Variants in PHC3 observed in about 807,000 individuals in gnomAD.
PHC3 encodes polyhomeotic-like protein 3.
Under a neutral mutation model 107.4 loss-of-function variants are expected in PHC3, and 13 were observed. The observed-to-expected ratio is 0.12, with a 90% CI of 0.08 to 0.19. The LOEUF (loss-of-function observed/expected upper bound fraction) is 0.19, where lower values mean the gene tolerates loss of function less well. Ranked by LOEUF, PHC3 falls within the 10% of genes least tolerant of loss-of-function variation. The pLI, the probability that PHC3 is intolerant of heterozygous loss-of-function variation, is 1.00. For synonymous variants in PHC3, 456 were observed against 427.4 expected (o/e 1.07, Z -0.83); for missense variants, 992 against 1,210.9 (o/e 0.82, Z 2.68).
At chr3:170,131,068 T>A (rs539641205) in intron 7 of PHC3, among the ~76,000 whole-genome samples, 2 of 149,360 alleles carry the variant, frequency 1.3e-5, no homozygotes, top group East Asian at 1.9e-4. Context: ...ATTTTTGGAA[T>A]CCTTTAAAGA....
In PHC3 at chr3:170,095,603, G is replaced by C. The variant is rs769869713; in HGVS notation, c.*1627C>G. On this transcript the variant is annotated 3_prime_UTR_variant, in exon 15 of 15. Transcript: ENST00000495893. ...AGCAGTGAAAATGACTGAAACTCAC[G>C]GACTCTTTTTTTCCCCTCCTTACTC... 6 of 151,954 alleles carry C rather than the reference G, an allele frequency of 3.9e-5. No homozygotes were observed. Among genetic ancestry groups the C allele is most frequent in the African/African-American group, 1.4e-4 (6 of 41,400 alleles). 9.4% of individuals were successfully genotyped at this position (151,954 alleles called of 1,614,324 possible). A position where few individuals can be genotyped will look rare whatever the true frequency, so the allele number is the denominator to read the frequency against.
chr3:170,113,413 G>A lies in PHC3; in HGVS notation c.2300C>T (p.Thr767Ile). The A allele has an allele frequency of 6.2e-7, 1 of 1,612,328 alleles. No individual in the cohort carries two copies. Among genetic ancestry groups the A allele is most frequent in the Non-Finnish European group, 8.5e-7 (1 of 1,179,270 alleles). Reference sequence around the variant, plus strand: ...GTCAGATGAATTATCCGCATGTTTTGTATTATTCTGTAGCTCTGGCTGAAC... The same window carrying A: ...GTCAGATGAATTATCCGCATGTTTTATATTATTCTGTAGCTCTGGCTGAAC... ...VCVQPELQNN[T>I]KHADNSSDTE... is the part of the protein sequence containing the mutation. The change falls in exon 11 of 15, where the codon ACA (threonine) becomes ATA (isoleucine). Residue 767 changes from threonine to isoleucine, a missense_variant. Coordinates refer to ENST00000495893, the MANE Select transcript of PHC3 (RefSeq NM_024947.4).
chr3:170,124,780 T>C (rs1720994245), intron 8 of PHC3, among the ~76,000 whole-genome samples: 1 of 152,194 alleles, frequency 6.6e-6, no homozygotes, highest in Admixed American at 6.5e-5. Flanking sequence ...TTAAAGTATA[T>C]AAAATTATAC....
chr3:170,138,689 CAA>C (rs11284597), intron 6 of PHC3, among the ~76,000 whole-genome samples: 2,401 of 81,288 alleles, frequency 0.03, 48 homozygotes, highest in African/African-American at 0.095. Flanking sequence ...GACTCTGTCT[CAA>C]AAAAAAAAAA....
chr3:170,139,578 T>A (rs558447927), intron 6 of PHC3, among the ~76,000 whole-genome samples: 77 of 152,308 alleles, frequency 5.1e-4, no homozygotes, highest in Admixed American at 1.6e-3. Context: ...AATACTCCTT[T>A]TGTTTTTAAT....
At chr3:170,170,679 A>C (rs1318411955) in intron 4 of PHC3, 1 of 152,146 alleles carries the variant, frequency 6.6e-6, no homozygotes, top group Non-Finnish European at 1.5e-5. Context: ...AGTGGAAAAG[A>C]ATGAATGATA....
intron 3 of PHC3, 68 bp from the exon 4 acceptor site, chr3:170,171,518 T>G: frequency 1.8e-6 from 2 of 1,119,872 alleles, no homozygotes; most frequent in Non-Finnish European, 2.6e-6. Flanking sequence ...GGTACCATGA[T>G]AACACAAAAC....
chr3:170,171,331 T>C (rs1334805213), intron 4 of PHC3, 42 bp downstream of exon 4: 2 of 1,385,844 alleles, frequency 1.4e-6, no homozygotes, highest in Non-Finnish European at 9.9e-7. Context: ...AAACAATTCT[T>C]TAAAATTTTA....
Position 170,102,578 on chromosome 3 carries a change from G to T in PHC3, c.2734C>A (p.Arg912=), listed in dbSNP as rs201852977. ...RERELRDVRI[R]KMPENSDLLP... ...AAGTCACTGTTCTCAGGCATTTTCCGAATTCTCACATCCCGAAGCTCACGT... is the reference window on the plus strand; with the variant it reads ...AAGTCACTGTTCTCAGGCATTTTCCTAATTCTCACATCCCGAAGCTCACGT... Residue 912 remains arginine (R), a synonymous_variant, in exon 14 of 15, where the codon CGG becomes AGG. Transcript: ENST00000495893. The T allele has an allele frequency of 1.2e-4, 190 of 1,613,732 alleles. No homozygotes were observed. Among genetic ancestry groups the T allele is most frequent in the Middle Eastern group, 4.9e-4 (3 of 6,082 alleles).
intron 12 of PHC3, 35 bp from the exon 13 acceptor site, chr3:170,102,969 TATATGGGAC>T (rs758234444): frequency 6.4e-7 from 1 of 1,558,196 alleles, no homozygotes; most frequent in Non-Finnish European, 8.7e-7. Flanking sequence ...TATTTAATGA[TATATGGGAC>T]AATCCATTTA....
In PHC3 at chr3:170,128,792, A is replaced by T. The variant is rs199663195; in HGVS notation, c.1680T>A (p.Leu560=). The change falls in exon 8 of 15, where the codon CTT becomes CTA. Residue 560 remains leucine, a synonymous_variant. Transcript: ENST00000495893. ...ACTGGACCAAAGCTTCTGCAGCTGG[A>T]AGTTCCTCTTCTGACACCAAAGCAT... ...VQNALVSEEE[L]PAAEALVQLP... 3.9e-4 allele frequency: 625 copies of T among 1,613,994 alleles called. 1 individual carries two copies. The highest frequency in any genetic ancestry group is 9.9e-4 in the Middle Eastern group (6 of 6,062).
Position 170,154,560 on chromosome 3 carries a change from A to T in PHC3, c.415-5316T>A, listed in dbSNP as rs191207199. Among the ~76,000 whole-genome samples, 33 of 152,362 alleles carry T rather than the reference A, an allele frequency of 2.2e-4. 1 individual carries two copies. In the East Asian group the frequency reaches 6.4e-3, roughly 29 times the overall value. The stretch of plus-strand genomic sequence containing the variant: ...AAAAATGATTGGCTGATAGCTAACA[A>T]GCTGGAGAATGCTTTTTAAGGAAGT... On this transcript the variant is annotated intron_variant, in intron 4 of 14. Transcript: ENST00000495893.
intron 7 of PHC3, among the ~76,000 whole-genome samples, chr3:170,131,346 A>T (rs941968388): frequency 1.3e-5 from 2 of 152,218 alleles, no homozygotes; most frequent in African/African-American, 4.8e-5. Context: ...CAAGGGGCTG[A>T]AAGTGCTTTC....
At chr3:170,101,490 TTAG>T (rs1349484102) in intron 14 of PHC3, among the ~76,000 whole-genome samples, 1 of 152,154 alleles carries the variant, frequency 6.6e-6, no homozygotes, top group Non-Finnish European at 1.5e-5. Context: ...CTGTAAAAAG[TTAG>T]TAGACAAGTT....
intron 4 of PHC3, among the ~76,000 whole-genome samples, chr3:170,154,022 T>C (rs929516077): frequency 6.6e-6 from 1 of 152,198 alleles, no homozygotes; most frequent in Admixed American, 6.5e-5. Context: ...ATAAGCTTTT[T>C]CAGGCATTCC....
intron 11 of PHC3, among the ~76,000 whole-genome samples, chr3:170,107,278 T>C (rs572757024): frequency 2.0e-5 from 3 of 152,312 alleles, no homozygotes; most frequent in East Asian, 3.9e-4. Flanking sequence ...ATAGGCATTA[T>C]CCTCCAGGAG....
chr3:170,158,532 G>A (rs1727269742), intron 4 of PHC3, among the ~76,000 whole-genome samples: 1 of 151,900 alleles, frequency 6.6e-6, no homozygotes, highest in African/African-American at 2.4e-5. Context: ...GAACCTGGCT[G>A]GCAGAGGTTG....
chr3:170,100,388 C>T (rs1286003954), intron 14 of PHC3, among the ~76,000 whole-genome samples: 1 of 152,078 alleles, frequency 6.6e-6, no homozygotes, highest in East Asian at 1.9e-4. Flanking sequence ...TATGAGATTA[C>T]CTTAAACTAT....
chr3:170,162,873 T>A (rs55956285), intron 4 of PHC3, among the ~76,000 whole-genome samples: 3 of 152,062 alleles, frequency 2.0e-5, no homozygotes, highest in Non-Finnish European at 2.9e-5. Flanking sequence ...CTCCTTTCTG[T>A]TCCCTGTGCA....
Sources: allele counts gnomAD v4.1 joint callset (sites outside exome capture counted in the v4.1 genomes callset), GRCh38; gene constraint gnomAD v4.1.1; transcripts MANE v1.5; gene names NCBI Gene and HGNC (gene_info 2026-07-23, HGNC 2026-07-21).